Variants in ASXL2 observed in about 807,000 individuals in gnomAD.
ASXL2 encodes ASXL transcriptional regulator 2, also known as putative Polycomb group protein ASXL2.
A neutral mutation model predicts 122.0 loss-of-function variants in ASXL2; 23 were observed. That is an observed-to-expected ratio of 0.19 (90% confidence interval 0.14 to 0.27). ASXL2 has a LOEUF of 0.27. ASXL2 is among the 10% of genes least tolerant of loss of function. The pLI, the probability that ASXL2 is intolerant of heterozygous loss-of-function variation, is 1.00. For synonymous variants in ASXL2, 650 were observed against 637.0 expected, an observed-to-expected ratio of 1.02 and a Z score of -0.31; for missense variants, 1,518 against 1,713.8, an observed-to-expected ratio of 0.89 and a Z score of 2.02.
At chr2:25,863,553 C>T (rs1422473224) in intron 1 of ASXL2, among the ~76,000 whole-genome samples, 1 of 151,364 alleles carries the variant, frequency 6.6e-6, no homozygotes, top group Admixed American at 6.6e-5. Context: ...ATTAGCCAGG[C>T]GTGGTGGCAG....
intron 5 of ASXL2, among the ~76,000 whole-genome samples, chr2:25,781,610 T>G (rs1411534213): frequency 6.6e-6 from 1 of 151,268 alleles, no homozygotes; most frequent in Non-Finnish European, 1.5e-5. Flanking sequence ...AGCCTTGAAT[T>G]CCTGGGCTCA....
rs138228264 is a variant in ASXL2, at chr2:25,767,292, T to C, written c.775+291A>G. 1.5e-3 allele frequency among the ~76,000 whole-genome samples: 228 copies of C among 152,348 alleles called. 2 individuals carry two copies. The highest frequency in any genetic ancestry group is 5.1e-3 in the African/African-American group (211 of 41,590). On this transcript the variant is annotated intron_variant, in intron 8 of 12. Coordinates refer to ENST00000435504, the MANE Select transcript of ASXL2 (RefSeq NM_018263.6). ...ACCACAAAATGACTGATAATAGATC[T>C]TTCTCTGAAATAAAGTTTGTTAAGA... is the stretch of plus-strand genomic sequence containing the variant.
chr2:25,878,325 G>C lies in ASXL2; in HGVS notation c.-103C>G. On this transcript the variant is annotated 5_prime_UTR_variant, in exon 1 of 13. Coordinates refer to ENST00000435504, the MANE Select transcript of ASXL2 (RefSeq NM_018263.6). ...TTTTCCCGCGGTGCCGGGAAAGGTG[G>C]GAGAAAAGGGAAGTCAGACCGGGGG... The C allele has an allele frequency of 1.5e-6, 2 of 1,308,750 alleles. No individual in the cohort carries two copies. Among genetic ancestry groups the C allele is most frequent in the Non-Finnish European group, 2.2e-6 (2 of 921,142 alleles). The allele number at this position is 1,308,750 out of a possible 1,614,324, so 81.1% of individuals were successfully genotyped here. A position where few individuals can be genotyped will look rare whatever the true frequency, so the allele number is the denominator to read the frequency against.
intron 3 of ASXL2, among the ~76,000 whole-genome samples, chr2:25,829,898 C>T (rs1027591894): frequency 1.3e-5 from 2 of 152,192 alleles, no homozygotes; most frequent in Non-Finnish European, 2.9e-5. Flanking sequence ...TGCTGAGCAG[C>T]CAAGTAGCTC....
rs541202882 is a variant in ASXL2 at position 25,878,475 on chromosome 2, G to C, written c.-253C>G. ...TTGGGTTCTTACTGTACAGGCTGCC[G>C]CTACGGTCATGTGACCGCTCCCGCG... On this transcript the variant is annotated 5_prime_UTR_variant, in exon 1 of 13. Transcript: ENST00000435504. 2.6e-4 allele frequency: 132 copies of C among 511,960 alleles called. No homozygotes were observed. The highest frequency in any genetic ancestry group is 1.9e-3 in the South Asian group (80 of 41,228). 31.7% of individuals were successfully genotyped at this position (511,960 alleles called of 1,614,324 possible).
chr2:25,805,322 G>A (rs2089065391), intron 4 of ASXL2, among the ~76,000 whole-genome samples: 1 of 152,156 alleles, frequency 6.6e-6, no homozygotes. Context: ...TACAAATGTT[G>A]TGAGGCTTCT....
chr2:25,841,465 C>G (rs1488556711), intron 2 of ASXL2, among the ~76,000 whole-genome samples: 1 of 152,138 alleles, frequency 6.6e-6, no homozygotes, highest in East Asian at 1.9e-4. Flanking sequence ...GTCACTGCCT[C>G]TGGAGCTACC....
chr2:25,789,521 G>A (rs1320922628), intron 5 of ASXL2, among the ~76,000 whole-genome samples: 1 of 152,040 alleles, frequency 6.6e-6, no homozygotes, highest in Admixed American at 6.5e-5. Flanking sequence ...CCTTAATCTG[G>A]TTGATAGTTC....
At chr2:25,788,700 A>G (rs184502892) in intron 5 of ASXL2, among the ~76,000 whole-genome samples, 77 of 151,624 alleles carry the variant, frequency 5.1e-4, no homozygotes, top group Admixed American at 2.5e-3. Context: ...ACGGAATTGG[A>G]CTCCTTTTCA....
At chr2:25,866,953 T>C (rs1294173362) in intron 1 of ASXL2, among the ~76,000 whole-genome samples, 1 of 151,962 alleles carries the variant, frequency 6.6e-6, no homozygotes, top group African/African-American at 2.4e-5. Flanking sequence ...CAGGCTGGAG[T>C]GCAATGGTGC....
At position 25,863,728 on chromosome 2, in the gene ASXL2, G is replaced by A. The variant is rs112530087; in HGVS notation, c.57+14438C>T. On this transcript the variant is annotated intron_variant, in intron 1 of 12. Coordinates refer to ENST00000435504, the MANE Select transcript of ASXL2 (RefSeq NM_018263.6). The stretch of plus-strand genomic sequence containing the variant: ...ACAAAACAAAACAAAAAAACAGGTC[G>A]GGTGCCGTGGCTCACACCTGTAATC... 6.9e-4 allele frequency among the ~76,000 whole-genome samples: 104 copies of A among 149,642 alleles called. 1 individual carries two copies. The highest frequency in any genetic ancestry group is 2.4e-3 in the African/African-American group (97 of 40,570).
Position 25,738,956 on chromosome 2 carries a change from C to T in ASXL2, c.*3073G>A, listed in dbSNP as rs1331201563. On this transcript the variant is annotated 3_prime_UTR_variant, in exon 13 of 13. Coordinates refer to ENST00000435504, the MANE Select transcript of ASXL2 (RefSeq NM_018263.6). ...AACAAGTAGGACAAACAACTCCAGGCTATTTGGCTTTACTTTCTGTTTAAT... is the reference window on the plus strand; with the variant it reads ...AACAAGTAGGACAAACAACTCCAGGTTATTTGGCTTTACTTTCTGTTTAAT... The T allele has an allele frequency of 6.6e-6, 1 of 152,162 alleles. No homozygotes were observed. Among genetic ancestry groups the T allele is most frequent in the African/African-American group, 2.4e-5 (1 of 41,434 alleles). 9.4% of individuals were successfully genotyped at this position (152,162 alleles called of 1,614,324 possible). A position where few individuals can be genotyped will look rare whatever the true frequency, so the allele number is the denominator to read the frequency against.
intron 2 of ASXL2, among the ~76,000 whole-genome samples, chr2:25,837,753 G>A (rs1248749505): frequency 1.3e-5 from 2 of 151,958 alleles, no homozygotes; most frequent in African/African-American, 4.8e-5. Flanking sequence ...GGGAGGCTGA[G>A]GTGGGAGAAT....
At chr2:25,781,398 A>AAAAAG (rs565700551) in intron 5 of ASXL2, among the ~76,000 whole-genome samples, 2 of 152,002 alleles carry the variant, frequency 1.3e-5, no homozygotes, top group South Asian at 2.1e-4. Context: ...AAACTGTCTC[A>AAAAAG]AAAAGAAAAG....
At chr2:25,782,402 C>G (rs757243867) in intron 5 of ASXL2, among the ~76,000 whole-genome samples, 1 of 151,780 alleles carries the variant, frequency 6.6e-6, no homozygotes, top group Non-Finnish European at 1.5e-5. Context: ...GAAAATTAGC[C>G]GGGCGTGGTG....
intron 1 of ASXL2, among the ~76,000 whole-genome samples, chr2:25,858,866 T>G (rs1574452009): frequency 2.0e-5 from 3 of 146,356 alleles, no homozygotes; most frequent in South Asian, 2.2e-4. Flanking sequence ...CAGGCTGGAG[T>G]GCAGTGGTGT....
Position 25,743,534 on chromosome 2 carries a change from T to C in ASXL2, c.2803A>G (p.Met935Val), listed in dbSNP as rs1559498144. Residue 935 changes from methionine to valine, a missense_variant, in exon 13 of 13, where the codon ATG becomes GTG. Around this residue, in one of 8 missense-constraint regions of ASXL2, gnomAD observed 831 missense variants for 833.1 expected, o/e 1.00. Transcript: ENST00000435504. ...GTTGGTCTTAAAGTGGGTCCATTCA[T>C]GTTTAAAGAAGTTCCTGGGGTTTTA... ...SLKTPGTSLN[M>V]NGPTLRPTSS... is the part of the protein sequence containing the mutation. 6.2e-7 allele frequency: 1 copy of C among 1,614,010 alleles called. No individual in the cohort carries two copies. The highest frequency in any genetic ancestry group is 8.5e-7 in the Non-Finnish European group (1 of 1,179,890).
chr2:25,830,625 CAAA>C (rs755161150), intron 3 of ASXL2, among the ~76,000 whole-genome samples: 2 of 81,654 alleles, frequency 2.4e-5, no homozygotes, highest in Admixed American at 1.4e-4. Context: ...GACTCTGCCT[CAAA>C]AAAAAAAAAA....
intron 7 of ASXL2, 138 bp downstream of exon 7, chr2:25,768,604 A>G (rs745318442): frequency 3.3e-5 from 30 of 909,274 alleles, no homozygotes; most frequent in Non-Finnish European, 4.5e-5. Context: ...CTGGATTTAT[A>G]TTGATGTTTT....
Sources: gnomAD v4.1 joint callset for allele counts (sites outside exome capture counted in the v4.1 genomes callset) on GRCh38, gnomAD v4.1.1 for gene constraint, gnomAD v4.1.1 regional missense constraint, MANE v1.5 for transcripts, NCBI Gene and HGNC (gene_info 2026-07-23, HGNC 2026-07-21) for gene names.